Variants in KDM1B observed in about 807,000 individuals in gnomAD.
KDM1B encodes lysine-specific histone demethylase 2.
Under a neutral mutation model 107.4 loss-of-function variants are expected in KDM1B, and 63 were observed. That is an observed-to-expected ratio of 0.59 (90% CI 0.48 to 0.72). The LOEUF (loss-of-function observed/expected upper bound fraction) is 0.72. Ranked by LOEUF, KDM1B falls within the 30% of genes least tolerant of loss-of-function variation. The probability of loss-of-function intolerance (pLI) is 0.00; values close to 1 mark genes in which losing one functional copy is unlikely to be tolerated. For synonymous variants in KDM1B, 363 were observed against 363.9 expected (o/e 1.00, Z 0.03); for missense variants, 749 against 1,020.8 (o/e 0.73, Z 3.63).
chr6:18,199,055 G>A (rs1263478522), intron 12 of KDM1B, among the ~76,000 whole-genome samples: 2 of 150,002 alleles, frequency 1.3e-5, no homozygotes, highest in Admixed American at 6.7e-5. Context: ...AAAATTAGCC[G>A]GGCATGGTGG....
rs2151071717 is a variant in KDM1B, at chr6:18,223,488, G to A, written c.*1496G>A. 6.6e-6 allele frequency: 1 copy of A among 152,156 alleles called. No individual in the cohort carries two copies. Among genetic ancestry groups the A allele is most frequent in the East Asian group, 1.9e-4 (1 of 5,178 alleles). 9.4% of individuals were successfully genotyped at this position (152,156 alleles called of 1,614,324 possible). On this transcript the variant is annotated 3_prime_UTR_variant, in exon 22 of 22. Coordinates refer to ENST00000650836, the MANE Select transcript of KDM1B (RefSeq NM_001364614.2). ...CAAGTATTCTGCTTTAAAGTATCATGTATTAAAATGTTTAGACAGCATGTG... is the reference window on the plus strand; with the variant it reads ...CAAGTATTCTGCTTTAAAGTATCATATATTAAAATGTTTAGACAGCATGTG...
intron 5 of KDM1B, among the ~76,000 whole-genome samples, chr6:18,165,066 T>G (rs1459558873): frequency 6.6e-6 from 1 of 152,056 alleles, no homozygotes; most frequent in African/African-American, 2.4e-5. Context: ...GATTAAAATA[T>G]CTTGCTAGCT....
intron 6 of KDM1B, among the ~76,000 whole-genome samples, chr6:18,167,350 T>C (rs1785367399): frequency 1.3e-5 from 2 of 151,912 alleles, no homozygotes; most frequent in Admixed American, 1.3e-4. Flanking sequence ...AGTGGGACTC[T>C]GTCTCAAAAA....
chr6:18,197,438 C>T lies in KDM1B; in HGVS notation c.1147-149C>T. 3.9e-6 allele frequency: 3 copies of T among 772,876 alleles called. No homozygotes were observed. The South Asian group carries it at 4.9e-5, about 13-fold the overall frequency. The allele number at this position is 772,876 out of a possible 1,614,324, so 47.9% of individuals were successfully genotyped here. A position where few individuals can be genotyped will look rare whatever the true frequency, so the allele number is the denominator to read the frequency against. ...GGAAAAAGGGAAGGGAGTAATAAGA[C>T]AAGTGCCACCACATTCTTTAGGAAA... On this transcript the variant is annotated intron_variant, in intron 11 of 21. Transcript: ENST00000650836. The surrounding 1 kb of genome is among the most constrained non-coding windows in gnomAD (Gnocchi z 4.5).
chr6:18,187,918 T>C lies in KDM1B; in HGVS notation c.700T>C (p.Cys234Arg). The C allele has an allele frequency of 6.4e-7, 1 of 1,550,470 alleles. No individual in the cohort carries two copies. The highest frequency in any genetic ancestry group is 8.7e-7 in the Non-Finnish European group (1 of 1,146,978). ...TGACTGTGTTGGCATGAGCCCCTCC[T>C]GCACCAGCACAAACCGCGCCGCTGC... ...YPDCVGMSPS[C>R]TSTNRAAATG... The change falls in exon 9 of 22, where the codon TGC becomes CGC. Residue 234 changes from cysteine (C) to arginine (R), a missense_variant. By Grantham distance (180) the Cys-to-Arg change is radical (BLOSUM62 -3). Transcript: ENST00000650836.
Position 18,162,595 on chromosome 6 carries a change from CTT to C in KDM1B, c.216-239_216-238del, listed in dbSNP as rs1785040161. Among the ~76,000 whole-genome samples the C allele has an allele frequency of 1.3e-5, 2 of 152,100 alleles. No individual in the cohort carries two copies. Among genetic ancestry groups the C allele is most frequent in the Non-Finnish European group, 2.9e-5 (2 of 68,034 alleles). On this transcript the variant is annotated intron_variant, in intron 4 of 21. Coordinates refer to ENST00000650836, the MANE Select transcript of KDM1B (RefSeq NM_001364614.2). This position sits in a 1 kb window ranked among gnomAD's most constrained non-coding sequence, Gnocchi z 4.1. ...AAACCCTATCATTGCCCCAAGGAGT[CTT>C]CTTAAGACTGCTAAGCCCCAGGCAG...
Position 18,214,955 on chromosome 6 carries a change from C to T in KDM1B, c.2110-52C>T. 2 of 1,578,108 alleles carry T rather than the reference C, an allele frequency of 1.3e-6. No homozygotes were observed. Among genetic ancestry groups the T allele is most frequent in the Non-Finnish European group, 1.7e-6 (2 of 1,164,762 alleles). ...AAAAACAAAAAAAAGAGGCCCTTAT[C>T]TGTGGGAGCTGAGCACTCACAGACC... On this transcript the variant is annotated intron_variant, in intron 19 of 21. Transcript: ENST00000650836. The surrounding 1 kb of genome is among the most constrained non-coding windows in gnomAD (Gnocchi z 4.4).
intron 6 of KDM1B, among the ~76,000 whole-genome samples, chr6:18,169,414 T>C (rs1294529489): frequency 6.7e-6 from 1 of 150,312 alleles, no homozygotes. Context: ...TTAGTAGAGA[T>C]GGGGTTTCAC....
chr6:18,160,959 G>A (rs1034932292), intron 3 of KDM1B, among the ~76,000 whole-genome samples: 4 of 150,624 alleles, frequency 2.7e-5, no homozygotes, highest in African/African-American at 9.8e-5. Context: ...TCGGTATGTT[G>A]CCCAGGCTGG....
At chr6:18,165,739 T>C (rs1401051743) in intron 5 of KDM1B, among the ~76,000 whole-genome samples, 1 of 152,168 alleles carries the variant, frequency 6.6e-6, no homozygotes, top group Non-Finnish European at 1.5e-5. Context: ...TAAGAATCCC[T>C]TGAACCCAGG....
rs1787975515 is a variant in KDM1B at position 18,200,682 on chromosome 6, C to T, written c.1359+106C>T. The T allele has an allele frequency of 1.1e-6, 1 of 904,572 alleles. No individual in the cohort carries two copies. The highest frequency in any genetic ancestry group is 2.7e-5 in the East Asian group (1 of 37,552). 56.0% of individuals were successfully genotyped at this position (904,572 alleles called of 1,614,324 possible). A position where few individuals can be genotyped will look rare whatever the true frequency, so the allele number is the denominator to read the frequency against. ...TCTAAAGTAAATTACATATAACAGC[C>T]CCCTCATCTCCTATGCAAAGCAGTA... On this transcript the variant is annotated intron_variant, in intron 13 of 21. Transcript: ENST00000650836. This position sits in a 1 kb window ranked among gnomAD's most constrained non-coding sequence, Gnocchi z 4.3.
chr6:18,192,116 G>A (rs1225473078), intron 10 of KDM1B, among the ~76,000 whole-genome samples: 1 of 151,974 alleles, frequency 6.6e-6, no homozygotes, highest in African/African-American at 2.4e-5. Context: ...TAAAAAATTA[G>A]CCATGTGTGG....
At position 18,197,341 on chromosome 6, in the gene KDM1B, C is replaced by G; in HGVS notation, c.1146+108C>G. The G allele has an allele frequency of 1.9e-6, 2 of 1,070,746 alleles. No homozygotes were observed. Among genetic ancestry groups the G allele is most frequent in the Non-Finnish European group, 1.3e-6 (1 of 749,758 alleles). 66.3% of individuals were successfully genotyped at this position (1,070,746 alleles called of 1,614,324 possible). On this transcript the variant is annotated intron_variant, in intron 11 of 21. Transcript: ENST00000650836. This position sits in a 1 kb window ranked among gnomAD's most constrained non-coding sequence, Gnocchi z 4.5. ...GCCACATTATCACCATAAAACTTAA[C>G]AGAAGCAAGGCTTTCGCAGAATGTG...
chr6:18,202,974 CAGTT>C (rs1329609616), intron 14 of KDM1B, among the ~76,000 whole-genome samples: 13 of 152,274 alleles, frequency 8.5e-5, no homozygotes, highest in Admixed American at 3.9e-4. Flanking sequence ...GAGTTGAGAA[CAGTT>C]ATTAGGCTGA....
At chr6:18,187,600 G>C (rs954353127) in intron 8 of KDM1B, among the ~76,000 whole-genome samples, 192 bp from the exon 9 acceptor site, 10 of 152,126 alleles carry the variant, frequency 6.6e-5, no homozygotes, top group African/African-American at 2.4e-4. Flanking sequence ...TTCTTGCCAG[G>C]TGTTATCAGC....
intron 7 of KDM1B, among the ~76,000 whole-genome samples, chr6:18,179,841 T>A (rs71533669): frequency 0.82 from 30,492 of 37,242 alleles, 12,767 homozygotes; most frequent in East Asian, 0.85. Context: ...TTAGCATTGG[T>A]TTTTTTTCCT....
At chr6:18,183,726 G>A (rs1786642242) in intron 7 of KDM1B, among the ~76,000 whole-genome samples, 1 of 151,936 alleles carries the variant, frequency 6.6e-6, no homozygotes, top group East Asian at 1.9e-4. Context: ...TTAAGGTTTT[G>A]GAGATGCATC....
intron 14 of KDM1B, among the ~76,000 whole-genome samples, chr6:18,202,895 T>C (rs214609): frequency 0.86 from 130,530 of 152,166 alleles, 56,442 homozygotes; most frequent in African/African-American, 0.96. Flanking sequence ...AAATATACTC[T>C]CGTCAACAGG....
Position 18,221,899 on chromosome 6 carries a change from T to G in KDM1B, c.2386-10T>G. ...TGCATGATCTCAAATTATGTAATTA[T>G]GTTTTACAGGCAACAAACAGGCATT... On this transcript the variant is annotated splice_polypyrimidine_tract_variant and intron_variant, in intron 21 of 21. Transcript: ENST00000650836. The G allele has an allele frequency of 6.3e-7, 1 of 1,589,824 alleles. No individual in the cohort carries two copies. The highest frequency in any genetic ancestry group is 1.8e-5 in the Admixed American group (1 of 56,640).
Sources: allele counts gnomAD v4.1 joint callset (sites outside exome capture counted in the v4.1 genomes callset), GRCh38; gene constraint gnomAD v4.1.1; non-coding constraint Gnocchi (gnomAD v3.1); transcripts MANE v1.5; gene names NCBI Gene and HGNC (gene_info 2026-07-23, HGNC 2026-07-21).